The following CNTNAP5 variants were observed in gnomAD, a reference collection of about 807,000 sequenced individuals.
The protein encoded by CNTNAP5 is contactin associated protein family member 5.
Under a neutral mutation model 150.2 loss-of-function variants are expected in CNTNAP5, and 72 were observed. That is an observed-to-expected ratio of 0.48 (90% CI 0.40 to 0.58). The LOEUF (loss-of-function observed/expected upper bound fraction) is 0.58, where lower values mean the gene tolerates loss of function less well. Ranked by LOEUF, CNTNAP5 falls within the 20% of genes least tolerant of loss-of-function variation. CNTNAP5 has a pLI of 0.00. For missense variants in CNTNAP5, 1,636 were observed against 1,626.2 expected, an observed-to-expected ratio of 1.01 and a Z score of -0.10; for synonymous variants, 672 against 619.8, an observed-to-expected ratio of 1.08 and a Z score of -1.25.
At chr2:124,391,103 T>C (rs1302349803) in intron 3 of CNTNAP5, among the ~76,000 whole-genome samples, 8 of 152,192 alleles carry the variant, frequency 5.3e-5, no homozygotes, top group Non-Finnish European at 1.2e-4. Flanking sequence ...TTGAACTCCA[T>C]GGATCTATAT....
At chr2:124,169,344 G>A (rs1171123483) in intron 1 of CNTNAP5, among the ~76,000 whole-genome samples, 1 of 152,012 alleles carries the variant, frequency 6.6e-6, no homozygotes, top group Non-Finnish European at 1.5e-5. Context: ...AGGACAAATG[G>A]ACAAAAGCAG....
chr2:124,845,428 G>C (rs187088086), intron 19 of CNTNAP5, among the ~76,000 whole-genome samples: 417 of 147,658 alleles, frequency 2.8e-3, no homozygotes, highest in Non-Finnish European at 3.8e-3. Flanking sequence ...TGGGGATATT[G>C]GTCTGTAGTA....
chr2:124,699,791 C>CTTTA (rs1156519256), intron 13 of CNTNAP5, among the ~76,000 whole-genome samples: 2 of 149,898 alleles, frequency 1.3e-5, no homozygotes, highest in African/African-American at 4.9e-5. Context: ...TCCTTTCTTT[C>CTTTA]TTTTCTTTCT....
chr2:124,481,964 C>T (rs77976975), intron 7 of CNTNAP5, among the ~76,000 whole-genome samples: 2,730 of 152,266 alleles, frequency 0.018, 36 homozygotes, highest in Non-Finnish European at 0.028. Flanking sequence ...GCCCACTGGC[C>T]GTGTATACAG....
chr2:124,248,698 C>T (rs1013563745), intron 3 of CNTNAP5, among the ~76,000 whole-genome samples: 1 of 152,184 alleles, frequency 6.6e-6, no homozygotes. Context: ...GGCCTAACCT[C>T]TTTAAGGAGT....
intron 12 of CNTNAP5, among the ~76,000 whole-genome samples, chr2:124,618,983 A>C (rs1677547486): frequency 6.6e-6 from 1 of 152,148 alleles, no homozygotes; most frequent in Non-Finnish European, 1.5e-5. Context: ...AAAATGACCT[A>C]CTCCAAGATT....
chr2:124,166,841 A>G (rs1389009715), intron 1 of CNTNAP5, among the ~76,000 whole-genome samples: 1 of 152,140 alleles, frequency 6.6e-6, no homozygotes, highest in Non-Finnish European at 1.5e-5. Context: ...TACAGACTCA[A>G]TCCTTTCTCT....
intron 3 of CNTNAP5, among the ~76,000 whole-genome samples, chr2:124,285,150 T>C (rs1318873958): frequency 2.0e-5 from 3 of 152,156 alleles, no homozygotes; most frequent in South Asian, 2.1e-4. Context: ...TAGCTTTAGT[T>C]TGTAAGATCC....
chr2:124,752,291 G>A (rs148533468), intron 14 of CNTNAP5, among the ~76,000 whole-genome samples: 2,117 of 152,188 alleles, frequency 0.014, 24 homozygotes, highest in Middle Eastern at 0.027. Flanking sequence ...CTGGGTTCAA[G>A]CAATCCTCCC....
In CNTNAP5 at chr2:124,659,761, G is replaced by A. The variant is rs147420378; in HGVS notation, c.2077+11803G>A. ...GAGACTATATGTACATGTGAGCAAGGTATACAGGGCTCTGAAAAGGAGAAA... is the reference window on the plus strand; with the variant it reads ...GAGACTATATGTACATGTGAGCAAGATATACAGGGCTCTGAAAAGGAGAAA... On this transcript the variant is annotated intron_variant, in intron 13 of 23. Transcript: ENST00000682447. 2.1e-4 allele frequency among the ~76,000 whole-genome samples: 32 copies of A among 152,266 alleles called. No homozygotes were observed. In the East Asian group the frequency reaches 5.8e-3, roughly 28 times the overall value.
chr2:124,283,941 T>C (rs1266145575), intron 3 of CNTNAP5, among the ~76,000 whole-genome samples: 1 of 152,188 alleles, frequency 6.6e-6, no homozygotes, highest in Non-Finnish European at 1.5e-5. Flanking sequence ...GTTGATTATG[T>C]TTCAACATGT....
rs181189750 is a variant in CNTNAP5 at position 124,230,597 on chromosome 2, T to A, written c.187+8788T>A. Among the ~76,000 whole-genome samples, 566 of 152,040 alleles carry A rather than the reference T, an allele frequency of 3.7e-3. 4 individuals are homozygous for A. Among genetic ancestry groups the A allele is most frequent in the African/African-American group, 0.013 (547 of 41,456 alleles). ...CCCAGGCTGGGGTGCTGTGGCATGA[T>A]CTCGGCTCACTGCAACCTCTGCCTC... On this transcript the variant is annotated intron_variant, in intron 2 of 23. Transcript: ENST00000682447.
At chr2:124,552,892 G>A (rs144439190) in intron 10 of CNTNAP5, among the ~76,000 whole-genome samples, 2 of 152,194 alleles carry the variant, frequency 1.3e-5, no homozygotes, top group Non-Finnish European at 2.9e-5. Flanking sequence ...ATGTCTCATG[G>A]CATTCTACAG....
At chr2:124,464,651 C>A (rs1693335075) in intron 6 of CNTNAP5, among the ~76,000 whole-genome samples, 1 of 152,224 alleles carries the variant, frequency 6.6e-6, no homozygotes, top group African/African-American at 2.4e-5. Flanking sequence ...TCCAATTTTG[C>A]CTATATGCTG....
intron 8 of CNTNAP5, among the ~76,000 whole-genome samples, chr2:124,511,952 C>G (rs1048269430): frequency 1.3e-5 from 2 of 148,440 alleles, no homozygotes; most frequent in Non-Finnish European, 3.0e-5. Flanking sequence ...TGCAACCTTC[C>G]TTAAATGTGT....
chr2:124,410,338 A>C (rs1451801507), intron 3 of CNTNAP5, among the ~76,000 whole-genome samples: 1 of 151,688 alleles, frequency 6.6e-6, no homozygotes, highest in Non-Finnish European at 1.5e-5. Context: ...AAAGTCAACA[A>C]GGATACCCAA....
chr2:124,833,172 A>T (rs1164769163), intron 19 of CNTNAP5, among the ~76,000 whole-genome samples: 2 of 152,134 alleles, frequency 1.3e-5, no homozygotes, highest in East Asian at 3.9e-4. Context: ...GGCCTCCCAA[A>T]GTGTTGAGAT....
At chr2:124,183,436 G>T (rs1160845451) in intron 1 of CNTNAP5, among the ~76,000 whole-genome samples, 1 of 152,134 alleles carries the variant, frequency 6.6e-6, no homozygotes, top group Non-Finnish European at 1.5e-5. Context: ...TTCAAGTCTT[G>T]TGAAAAGTTG....
chr2:124,345,451 C>T (rs574040045), intron 3 of CNTNAP5, among the ~76,000 whole-genome samples: 41 of 151,988 alleles, frequency 2.7e-4, no homozygotes, highest in Non-Finnish European at 3.5e-4. Flanking sequence ...GAGGTGGAGA[C>T]CTGCTGTCAT....
Sources: allele counts gnomAD v4.1 joint callset (sites outside exome capture counted in the v4.1 genomes callset), GRCh38; gene constraint gnomAD v4.1.1; transcripts MANE v1.5; gene names NCBI Gene and HGNC (gene_info 2026-07-23, HGNC 2026-07-21).